The following PRRC2C variants were observed in gnomAD, a reference collection of about 807,000 sequenced individuals.
PRRC2C encodes proline rich coiled-coil 2C, also known as protein PRRC2C.
PRRC2C carries 72 observed loss-of-function variants against 317.2 expected under a neutral mutation model. The observed-to-expected ratio is 0.23, with a 90% CI of 0.19 to 0.28. The LOEUF (loss-of-function observed/expected upper bound fraction) is 0.28. PRRC2C is among the 10% of genes least tolerant of loss of function. The probability of loss-of-function intolerance (pLI) is 1.00; values close to 1 mark genes in which losing one functional copy is unlikely to be tolerated. For missense variants in PRRC2C, 3,074 were observed against 3,459.7 expected (o/e 0.89, Z 2.80); for synonymous variants, 1,296 against 1,205.9 (o/e 1.07, Z -1.55).
At chr1:171,545,435 T>G in intron 16 of PRRC2C, 44 bp from the exon 17 acceptor site, 2 of 1,495,110 alleles carry the variant, frequency 1.3e-6, no homozygotes, top group African/African-American at 1.4e-5. Context: ...TTTCTTTTGT[T>G]TGGGTAGGTG....
intron 5 of PRRC2C, among the ~76,000 whole-genome samples, chr1:171,517,220 T>C (rs962057514): frequency 6.6e-6 from 1 of 152,206 alleles, no homozygotes; most frequent in East Asian, 1.9e-4. Flanking sequence ...CCCTTCCAGA[T>C]TGTAGAAGTC....
chr1:171,558,795 G>A (rs1023090675), intron 19 of PRRC2C, among the ~76,000 whole-genome samples: 1 of 152,192 alleles, frequency 6.6e-6, no homozygotes, highest in Non-Finnish European at 1.5e-5. Context: ...TGTTCAAGTG[G>A]ATGGAAGAGT....
Position 171,539,856 on chromosome 1 carries a change from T to C in PRRC2C, c.2505-115T>C, listed in dbSNP as rs1245941931. On this transcript the variant is annotated intron_variant, in intron 15 of 34. Transcript: ENST00000647382. ...AACTTTTTATATAGCGAGAGAAAGA[T>C]TCTCATTATGGTTAAGAGTCATTGC... The C allele has an allele frequency of 4.3e-6, 4 of 923,616 alleles. No individual in the cohort carries two copies. The East Asian group carries it at 9.8e-5, about 23-fold the overall frequency. 57.2% of individuals were successfully genotyped at this position (923,616 alleles called of 1,614,324 possible). A position where few individuals can be genotyped will look rare whatever the true frequency, so the allele number is the denominator to read the frequency against.
chr1:171,510,640 G>C (rs1374011459), intron 1 of PRRC2C: 1 of 152,108 alleles, frequency 6.6e-6, no homozygotes, highest in Non-Finnish European at 1.5e-5. Context: ...TCTACATATA[G>C]TAGCAAATTG....
chr1:171,576,290 C>A (rs1685683592), intron 25 of PRRC2C, among the ~76,000 whole-genome samples: 1 of 152,142 alleles, frequency 6.6e-6, no homozygotes, highest in South Asian at 2.1e-4. Context: ...TTCTTTGGAA[C>A]CCAACTAACC....
intron 26 of PRRC2C, 128 bp downstream of exon 26, chr1:171,577,765 AT>A (rs1647357637): frequency 3.1e-6 from 2 of 636,186 alleles, no homozygotes; most frequent in South Asian, 4.9e-5. Context: ...AAATATTTAA[AT>A]TCGCATTTTT....
At chr1:171,510,361 CTTAG>C (rs895945381) in intron 1 of PRRC2C, 3 of 152,074 alleles carry the variant, frequency 2.0e-5, no homozygotes, top group African/African-American at 7.2e-5. Flanking sequence ...TTTCAGGATT[CTTAG>C]TTAAATAACT....
At chr1:171,584,570 A>AT (rs1649423323) in intron 30 of PRRC2C, 44 bp downstream of exon 30, 2 of 1,506,382 alleles carry the variant, frequency 1.3e-6, no homozygotes, top group South Asian at 1.3e-5. Flanking sequence ...CTTTATTATT[A>AT]TTTTTATTGC....
In PRRC2C at chr1:171,541,136, A is replaced by G. The variant is rs1419932656; in HGVS notation, c.3670A>G (p.Arg1224Gly). The G allele has an allele frequency of 4.3e-6, 7 of 1,613,736 alleles. No individual in the cohort carries two copies. The highest frequency in any genetic ancestry group is 2.7e-5 in the African/African-American group (2 of 74,918). ...RGHTRDYPQY[R>G]DNKPRAEHIP... ...ACACACTCGAGATTATCCTCAGTAT[A>G]GAGACAATAAGCCAAGAGCAGAGCA... Residue 1224 changes from arginine to glycine, a missense_variant, in exon 16 of 35, where the codon AGA (arginine) becomes GGA (glycine). Physicochemically the swap from Arg to Gly is moderately radical, Grantham distance 125. Around this residue, in one of 11 missense-constraint regions of PRRC2C, gnomAD observed 1,320 missense variants for 1,395.7 expected, o/e 0.95. Transcript: ENST00000647382. This position sits in a 1 kb window ranked among gnomAD's most constrained non-coding sequence, Gnocchi z 4.1.
chr1:171,547,810 A>T (rs1349710012), intron 17 of PRRC2C, among the ~76,000 whole-genome samples: 2 of 150,876 alleles, frequency 1.3e-5, no homozygotes, highest in African/African-American at 4.9e-5. Context: ...TGCCCAGCTA[A>T]TTTTTTGTAT....
chr1:171,542,216 A>G lies in PRRC2C; in HGVS notation c.4750A>G (p.Ser1584Gly). Residue 1584 changes from serine (S) to glycine (G), a missense_variant, in exon 16 of 35, where the codon AGT becomes GGT. By Grantham distance (56) the Ser-to-Gly change is moderately conservative. Transcript: ENST00000647382. The part of the protein sequence containing the change: ...NERRSGPPSK[S>G]GKRGPFDDQP... ...AAGGAGAAGTGGCCCACCATCAAAA[A>G]GTGGGAAGAGAGGGTGAGTACTTTG... 6.4e-7 allele frequency: 1 copy of G among 1,554,426 alleles called. No homozygotes were observed. Among genetic ancestry groups the G allele is most frequent in the East Asian group, 2.3e-5 (1 of 43,396 alleles).
chr1:171,506,676 A>G (rs965402873), intron 1 of PRRC2C, among the ~76,000 whole-genome samples: 2 of 76,736 alleles, frequency 2.6e-5, no homozygotes, highest in African/African-American at 5.2e-5. Context: ...CAGATTCACT[A>G]TTTTTTTTCT....
At chr1:171,558,810 T>C (rs1681975931) in intron 19 of PRRC2C, among the ~76,000 whole-genome samples, 1 of 152,224 alleles carries the variant, frequency 6.6e-6, no homozygotes, top group Admixed American at 6.5e-5. Context: ...AAGAGTCACG[T>C]ACGTCTCACT....
chr1:171,496,384 G>A (rs1396928274), intron 1 of PRRC2C, among the ~76,000 whole-genome samples: 2 of 151,670 alleles, frequency 1.3e-5, no homozygotes, highest in Non-Finnish European at 1.5e-5. Flanking sequence ...TGTATTTTTA[G>A]TAGAGATGGT....
chr1:171,587,041 T>C lies in PRRC2C; in HGVS notation c.7788T>C (p.Pro2596=), dbSNP rs1296573531. The change falls in exon 31 of 35, where the codon CCT becomes CCC. Residue 2596 remains proline, a synonymous_variant. Coordinates refer to ENST00000647382, the MANE Select transcript of PRRC2C (RefSeq NM_001387844.1). ...TACCAGCATCGCAGCTTTCCTTGCC[T>C]AATTTTGGATCTACAGGGCAACCTC... ...VPLPASQLSL[P]NFGSTGQPLI... is the part of the protein sequence containing the mutation. The C allele has an allele frequency of 6.2e-7, 1 of 1,611,252 alleles. No homozygotes were observed. Among genetic ancestry groups the C allele is most frequent in the Admixed American group, 1.7e-5 (1 of 59,682 alleles).
At position 171,502,321 on chromosome 1, in the gene PRRC2C, A is replaced by G. The variant is rs533768607; in HGVS notation, c.-57-9711A>G. The stretch of plus-strand genomic sequence containing the variant: ...AAAATACTATTGCCAGGCCTGGCCC[A>G]AGAAATTCTGATTTAATTGCCTGGC... On this transcript the variant is annotated intron_variant, in intron 1 of 34. Transcript: ENST00000647382. Among the ~76,000 whole-genome samples the G allele has an allele frequency of 4.4e-4, 67 of 152,332 alleles. 2 individuals carry two copies. In the South Asian group the frequency reaches 0.014, roughly 32 times the overall value.
intron 1 of PRRC2C, among the ~76,000 whole-genome samples, chr1:171,492,871 C>A (rs920319621): frequency 1.1e-4 from 17 of 152,006 alleles, no homozygotes; most frequent in Admixed American, 6.6e-4. Context: ...TCTGCCTCAG[C>A]AGCCCGAGTA....
In PRRC2C at chr1:171,575,054, A is replaced by C; in HGVS notation, c.6881A>C (p.Asn2294Thr). The change falls in exon 25 of 35, where the codon AAT becomes ACT. Residue 2294 changes from asparagine to threonine, a missense_variant. Asn to Thr is a moderately conservative substitution (Grantham distance 65). Transcript: ENST00000647382. ...AGTGCCAGTGGACCAAGCACTGCTAATTACAATTCGTTCTCAAGTGCATCC... is the reference window on the plus strand; with the variant it reads ...AGTGCCAGTGGACCAAGCACTGCTACTTACAATTCGTTCTCAAGTGCATCC... The part of the protein sequence containing the change: ...SSSASGPSTA[N>T]YNSFSSASMP... The C allele has an allele frequency of 6.2e-7, 1 of 1,613,894 alleles. No homozygotes were observed. The highest frequency in any genetic ancestry group is 8.5e-7 in the Non-Finnish European group (1 of 1,179,852).
rs773024118 is a variant in PRRC2C, at chr1:171,541,754, C to A, written c.4288C>A (p.Pro1430Thr). The change falls in exon 16 of 35, where the codon CCA becomes ACA. Residue 1430 changes from proline to threonine, a missense_variant. Pro to Thr is a conservative substitution (Grantham distance 38). Transcript: ENST00000647382. This position sits in a 1 kb window ranked among gnomAD's most constrained non-coding sequence, Gnocchi z 4.1. Reference sequence around the variant, plus strand: ...GCCTCGAAGGCAGCGTCCTACTCGACCACCAAGGCAAGACAAGCCACCTCG... The same window carrying A: ...GCCTCGAAGGCAGCGTCCTACTCGAACACCAAGGCAAGACAAGCCACCTCG... ...ERPRRQRPTR[P>T]PRQDKPPRFR... The A allele has an allele frequency of 6.2e-7, 1 of 1,613,924 alleles. No homozygotes were observed. Among genetic ancestry groups the A allele is most frequent in the Non-Finnish European group, 8.5e-7 (1 of 1,179,870 alleles).
Sources: allele counts gnomAD v4.1 joint callset (sites outside exome capture counted in the v4.1 genomes callset), GRCh38; gene constraint gnomAD v4.1.1; regional missense constraint gnomAD v4.1.1; non-coding constraint Gnocchi (gnomAD v3.1); transcripts MANE v1.5; gene names NCBI Gene and HGNC (gene_info 2026-07-23, HGNC 2026-07-21).